The following RGS6 variants were observed in gnomAD, a reference collection of about 807,000 sequenced individuals.
The protein encoded by RGS6 is regulator of G protein signaling 6.
Under a neutral mutation model 78.5 loss-of-function variants are expected in RGS6, and 30 were observed. The observed-to-expected ratio is 0.38, with a 90% CI of 0.29 to 0.52. The LOEUF is 0.52. Ranked by LOEUF, RGS6 falls within the 20% of genes least tolerant of loss-of-function variation. RGS6 has a pLI of 0.85. For missense variants in RGS6, 495 were observed against 609.7 expected, an observed-to-expected ratio of 0.81 and a Z score of 1.98; for synonymous variants, 206 against 206.0, an observed-to-expected ratio of 1.00 and a Z score of 0.00.
intron 2 of RGS6, among the ~76,000 whole-genome samples, chr14:72,061,534 G>A (rs148711459): frequency 2.0e-5 from 3 of 151,910 alleles, no homozygotes; most frequent in African/African-American, 4.8e-5. Context: ...GAGATTTTGA[G>A]TATATTCCTG....
chr14:71,868,057 A>C, the RGS6 span, among the ~76,000 whole-genome samples: 1 of 152,142 alleles, frequency 6.6e-6, no homozygotes, highest in Non-Finnish European at 1.5e-5. Context: ...CCAACCAAGG[A>C]AAGGGTCAAA....
chr14:72,218,605 C>A (rs1473023727), intron 2 of RGS6, among the ~76,000 whole-genome samples: 1 of 151,608 alleles, frequency 6.6e-6, no homozygotes, highest in Non-Finnish European at 1.5e-5. Flanking sequence ...TGTTTAAATA[C>A]ATCTTATTTA....
chr14:71,964,787 T>C lies in RGS6; in HGVS notation c.-5T>C, dbSNP rs199581470. 3.7e-6 allele frequency: 6 copies of C among 1,612,058 alleles called. No homozygotes were observed. Among genetic ancestry groups the C allele is most frequent in the African/African-American group, 1.3e-5 (1 of 74,936 alleles). Reference sequence around the variant, plus strand: ...ATTTTTGCAGTGTGAGTGAAGACACTCAGGATGGCTCAAGGATCCGGGGAT... The same window carrying C: ...ATTTTTGCAGTGTGAGTGAAGACACCCAGGATGGCTCAAGGATCCGGGGAT... On this transcript the variant is annotated 5_prime_UTR_variant, in exon 2 of 18. Transcript: ENST00000553525.
chr14:72,450,160 T>TA (rs1259304697), intron 3 of RGS6, among the ~76,000 whole-genome samples: 40 of 151,994 alleles, frequency 2.6e-4, no homozygotes, highest in Non-Finnish European at 4.9e-4. Context: ...CCTCTCCATA[T>TA]TTATATATAT....
intron 2 of RGS6, among the ~76,000 whole-genome samples, chr14:72,192,651 G>A (rs2097341765): frequency 6.6e-6 from 1 of 152,210 alleles, no homozygotes; most frequent in South Asian, 2.1e-4. Flanking sequence ...GCACGTCTCT[G>A]CTCTTAGAGG....
At chr14:72,456,312 G>T (rs754525448) in intron 4 of RGS6, among the ~76,000 whole-genome samples, 4 of 152,064 alleles carry the variant, frequency 2.6e-5, no homozygotes, top group Non-Finnish European at 5.9e-5. Flanking sequence ...GGTTTTTGAG[G>T]CAAGGTCTCA....
intron 13 of RGS6, among the ~76,000 whole-genome samples, chr14:72,500,669 C>A (rs1347731591): frequency 2.0e-5 from 3 of 152,184 alleles, no homozygotes; most frequent in African/African-American, 7.2e-5. Flanking sequence ...GAAGGTAAGG[C>A]CCTAAGGGCA....
At position 72,329,189 on chromosome 14, in the gene RGS6, T is replaced by A. The variant is rs190856536; in HGVS notation, c.85-22906T>A. ...GTGCCCAACCAACACTATTTGTTAT[T>A]TTAGATGTTGGGAAGTTTTCATGAA... is the stretch of plus-strand genomic sequence containing the variant. On this transcript the variant is annotated intron_variant, in intron 2 of 17. Transcript: ENST00000553525. Among the ~76,000 whole-genome samples the A allele has an allele frequency of 2.9e-4, 44 of 152,364 alleles. 1 individual carries two copies. The East Asian group carries it at 6.7e-3, about 23-fold the overall frequency.
intron 3 of RGS6, among the ~76,000 whole-genome samples, chr14:72,382,411 A>T (rs961743797): frequency 6.6e-6 from 1 of 152,212 alleles, no homozygotes; most frequent in Non-Finnish European, 1.5e-5. Flanking sequence ...ATTTTAATTC[A>T]CTAAACTGGA....
intron 2 of RGS6, among the ~76,000 whole-genome samples, chr14:72,261,687 A>G (rs1328789301): frequency 6.6e-6 from 1 of 152,146 alleles, no homozygotes; most frequent in Non-Finnish European, 1.5e-5. Flanking sequence ...GAATCTCTCC[A>G]CAGAAGGAGG....
At chr14:72,313,540 C>G (rs985560499) in intron 2 of RGS6, among the ~76,000 whole-genome samples, 1 of 152,194 alleles carries the variant, frequency 6.6e-6, no homozygotes, top group Non-Finnish European at 1.5e-5. Context: ...ACAGTTTCTC[C>G]CCTTATGATC....
At chr14:72,295,727 T>C (rs1247123199) in intron 2 of RGS6, among the ~76,000 whole-genome samples, 3 of 152,224 alleles carry the variant, frequency 2.0e-5, no homozygotes, top group South Asian at 4.1e-4. Flanking sequence ...TGACATTCTA[T>C]TGGATTTAAG....
chr14:72,132,781 G>A (rs151106854), intron 2 of RGS6, among the ~76,000 whole-genome samples: 25 of 132,622 alleles, frequency 1.9e-4, no homozygotes, highest in South Asian at 7.3e-4. Context: ...TTTGTTTGTC[G>A]TTTTTTTTTT....
intron 2 of RGS6, among the ~76,000 whole-genome samples, chr14:72,199,290 A>C (rs896661880): frequency 6.6e-6 from 1 of 152,254 alleles, no homozygotes; most frequent in Admixed American, 6.5e-5. Context: ...ATTTTAATGC[A>C]GTCAATTGTT....
intron 2 of RGS6, among the ~76,000 whole-genome samples, chr14:72,348,417 T>G (rs1241812106): frequency 6.6e-6 from 1 of 152,246 alleles, no homozygotes; most frequent in Non-Finnish European, 1.5e-5. Flanking sequence ...AGGGCAGTAT[T>G]GATCATGAAA....
intron 9 of RGS6, chr14:72,474,135 C>A (rs2096168549): frequency 6.6e-6 from 1 of 152,394 alleles, no homozygotes; most frequent in African/African-American, 2.4e-5. Context: ...GGCAAATTCA[C>A]AAATGCAAAA....
chr14:72,316,414 G>A (rs1399782151), intron 2 of RGS6, among the ~76,000 whole-genome samples: 16 of 152,070 alleles, frequency 1.1e-4, no homozygotes, highest in Non-Finnish European at 2.9e-5. Flanking sequence ...AGGCCCCAGT[G>A]TGTGATGTTC....
chr14:72,146,466 A>G (rs553903913), intron 2 of RGS6, among the ~76,000 whole-genome samples: 1 of 152,342 alleles, frequency 6.6e-6, no homozygotes, highest in African/African-American at 2.4e-5. Flanking sequence ...CATCTAAATC[A>G]GATATGTGTG....
At chr14:72,073,729 T>G (rs1281680074) in intron 2 of RGS6, among the ~76,000 whole-genome samples, 1 of 152,190 alleles carries the variant, frequency 6.6e-6, no homozygotes, top group Non-Finnish European at 1.5e-5. Context: ...AATAAATTTT[T>G]TTTTCTCACA....
Sources: allele counts gnomAD v4.1 joint callset (sites outside exome capture counted in the v4.1 genomes callset), GRCh38; gene constraint gnomAD v4.1.1; transcripts MANE v1.5; gene names NCBI Gene and HGNC (gene_info 2026-07-23, HGNC 2026-07-21).